Variants in DENND5B observed in about 807,000 individuals in gnomAD.
DENND5B encodes DENN domain containing 5B, also known as DENN domain-containing protein 5B.
In DENND5B, 34 loss-of-function variants were observed where a neutral mutation model predicts 140.6. The observed-to-expected ratio is 0.24, with a 90% confidence interval of 0.18 to 0.32. DENND5B has a LOEUF of 0.32. DENND5B is among the 10% of genes least tolerant of loss of function. The probability of loss-of-function intolerance (pLI) is 1.00; values close to 1 mark genes in which losing one functional copy is unlikely to be tolerated. For synonymous variants in DENND5B, 551 were observed against 562.1 expected, an observed-to-expected ratio of 0.98 and a Z score of 0.28; for missense variants, 1,142 against 1,560.2, an observed-to-expected ratio of 0.73 and a Z score of 4.52.
intron 3 of DENND5B, chr12:31,465,743 T>TTCACAGAAA (rs1945236302): frequency 6.6e-6 from 1 of 152,182 alleles, no homozygotes; most frequent in Admixed American, 6.5e-5. Flanking sequence ...TCTCCCTAGT[T>TTCACAGAAA]TCACAGAAAT....
At position 31,387,643 on chromosome 12, in the gene DENND5B, A is replaced by G; in HGVS notation, c.3785T>C (p.Ile1262Thr). 6.2e-7 allele frequency: 1 copy of G among 1,614,036 alleles called. No homozygotes were observed. The highest frequency in any genetic ancestry group is 8.5e-7 in the Non-Finnish European group (1 of 1,179,894). Residue 1262 changes from isoleucine to threonine, a missense_variant, in exon 21 of 21, where the codon ATA (isoleucine) becomes ACA (threonine). This residue lies in a region of DENND5B where 125 missense variants were observed against 179.0 expected (regional missense o/e 0.70). Coordinates refer to ENST00000389082, the MANE Select transcript of DENND5B (RefSeq NM_144973.4). ...RILQTIQDFT[I>T]VLEGSLIKGV... Reference sequence around the variant, plus strand: ...TTTGATGAGTGATCCTTCTAGGACTATGGTGAAGTCCTGAATGGTCTGCAG... The same window carrying G: ...TTTGATGAGTGATCCTTCTAGGACTGTGGTGAAGTCCTGAATGGTCTGCAG...
chr12:31,571,673 C>A (rs1949827593), intron 1 of DENND5B, among the ~76,000 whole-genome samples: 1 of 151,936 alleles, frequency 6.6e-6, no homozygotes, highest in Non-Finnish European at 1.5e-5. Context: ...GCTGGAGTGC[C>A]ATGGCACGTT....
At chr12:31,415,703 C>T (rs1274447820) in intron 11 of DENND5B, among the ~76,000 whole-genome samples, 1 of 152,152 alleles carries the variant, frequency 6.6e-6, no homozygotes, top group African/African-American at 2.4e-5. Context: ...CCCAACTTAG[C>T]CCTGTCCAGA....
intron 8 of DENND5B, among the ~76,000 whole-genome samples, chr12:31,430,950 G>A (rs1175860665): frequency 6.6e-6 from 1 of 152,170 alleles, no homozygotes; most frequent in Non-Finnish European, 1.5e-5. Context: ...GGCTGCCTCT[G>A]CAAATTGCAA....
chr12:31,389,357 C>A lies in DENND5B; in HGVS notation c.3608G>T (p.Gly1203Val), dbSNP rs1261537159. 4 of 1,612,436 alleles carry A rather than the reference C, an allele frequency of 2.5e-6. No individual in the cohort carries two copies. The highest frequency in any genetic ancestry group is 3.4e-6 in the Non-Finnish European group (4 of 1,179,304). Residue 1203 changes from glycine (G) to valine (V), a missense_variant, in exon 20 of 21, where the codon GGC becomes GTC. By Grantham distance (109) the Gly-to-Val change is moderately radical. Transcript: ENST00000389082. ...NTAPRNIGKD[G>V]KFQILVCLGT... ...AAGGCAAACTAAAATCTGGAATTTG[C>A]CATCCTTCCCAATGTTCCTGGGTGC...
Position 31,562,284 on chromosome 12 carries a change from T to C in DENND5B, c.127+28422A>G, listed in dbSNP as rs576170063. ...GGTAAAGAGTACACACATTTCATAC[T>C]ACAGAATTGCTTTCTAAAGGATAAA... On this transcript the variant is annotated intron_variant, in intron 1 of 20. Transcript: ENST00000389082. Among the ~76,000 whole-genome samples, 24 of 152,248 alleles carry C rather than the reference T, an allele frequency of 1.6e-4. 1 individual carries two copies. In the South Asian group the frequency reaches 4.8e-3, roughly 30 times the overall value.
At position 31,452,253 on chromosome 12, in the gene DENND5B, G is replaced by C. The variant is rs754961808; in HGVS notation, c.1316C>G (p.Thr439Ser). The change falls in exon 5 of 21, where the codon ACT becomes AGT. Residue 439 changes from threonine (T) to serine (S), a missense_variant. Coordinates refer to ENST00000389082, the MANE Select transcript of DENND5B (RefSeq NM_144973.4). ...VNDKKNGNVC[T>S]NNISMYELLK... is the part of the protein sequence containing the mutation. ...TAACTCATACATGCTGATGTTATTA[G>C]TACAGACATTGCCGTTCTTTTTGTC... The C allele has an allele frequency of 1.9e-6, 3 of 1,613,948 alleles. No individual in the cohort carries two copies. The South Asian group carries it at 3.3e-5, about 18-fold the overall frequency.
intron 1 of DENND5B, among the ~76,000 whole-genome samples, chr12:31,573,818 G>A (rs1262819870): frequency 2.0e-5 from 3 of 152,298 alleles, no homozygotes; most frequent in East Asian, 1.9e-4. Context: ...GCCAGGCACC[G>A]TGGTGCACGC....
intron 1 of DENND5B, among the ~76,000 whole-genome samples, chr12:31,540,016 A>C (rs1041731074): frequency 2.0e-5 from 3 of 152,212 alleles, no homozygotes; most frequent in African/African-American, 7.2e-5. Context: ...AACTCATACA[A>C]AATCAGTAAA....
At chr12:31,493,845 AC>A (rs1329826108) in intron 2 of DENND5B, among the ~76,000 whole-genome samples, 2 of 152,068 alleles carry the variant, frequency 1.3e-5, no homozygotes, top group South Asian at 2.1e-4. Flanking sequence ...AAAAACAAAA[AC>A]CAAACAAAAC....
intron 2 of DENND5B, among the ~76,000 whole-genome samples, chr12:31,495,312 T>G (rs529148664): frequency 7.2e-5 from 11 of 152,204 alleles, no homozygotes; most frequent in African/African-American, 2.6e-4. Context: ...ATGGAAACCC[T>G]GGGCAAGTAA....
intron 3 of DENND5B, among the ~76,000 whole-genome samples, chr12:31,476,424 C>T (rs543972297): frequency 1.3e-5 from 2 of 150,304 alleles, no homozygotes; most frequent in Admixed American, 1.3e-4. Flanking sequence ...TCAATTATAC[C>T]CTAAGTATTT....
intron 1 of DENND5B, among the ~76,000 whole-genome samples, chr12:31,539,492 A>C (rs1592007272): frequency 6.6e-6 from 1 of 152,212 alleles, no homozygotes; most frequent in East Asian, 1.9e-4. Flanking sequence ...AATACTAGCA[A>C]ACCAAATTCA....
At chr12:31,418,405 G>A (rs1316535345) in intron 11 of DENND5B, among the ~76,000 whole-genome samples, 3 of 148,800 alleles carry the variant, frequency 2.0e-5, no homozygotes, top group Non-Finnish European at 4.4e-5. Flanking sequence ...TCAGCTTCTT[G>A]ATAGCTGGGA....
chr12:31,436,108 CCACT>C (rs1206555678), intron 7 of DENND5B, among the ~76,000 whole-genome samples: 1 of 151,034 alleles, frequency 6.6e-6, no homozygotes, highest in Non-Finnish European at 1.5e-5. Flanking sequence ...TAAAGCCCCC[CCACT>C]TTTTTTTTTT....
chr12:31,488,106 C>A (rs549600256), intron 2 of DENND5B, among the ~76,000 whole-genome samples: 14 of 150,624 alleles, frequency 9.3e-5, no homozygotes, highest in African/African-American at 3.4e-4. Flanking sequence ...CAAGTGTGTG[C>A]GATTATAGGC....
intron 7 of DENND5B, among the ~76,000 whole-genome samples, chr12:31,437,274 C>T (rs1010232602): frequency 2.0e-5 from 3 of 152,038 alleles, no homozygotes; most frequent in Admixed American, 1.3e-4. Context: ...TCCCGAGTAG[C>T]TGGGACTACA....
At position 31,452,250 on chromosome 12, in the gene DENND5B, T is replaced by C. The variant is rs766278817; in HGVS notation, c.1319A>G (p.Asn440Ser). 1 of 1,613,984 alleles carries C rather than the reference T, an allele frequency of 6.2e-7. No homozygotes were observed. Among genetic ancestry groups the C allele is most frequent in the Non-Finnish European group, 8.5e-7 (1 of 1,179,890 alleles). Residue 440 changes from asparagine to serine, a missense_variant, in exon 5 of 21, where the codon AAT becomes AGT. Transcript: ENST00000389082. ...CAGTAACTCATACATGCTGATGTTA[T>C]TAGTACAGACATTGCCGTTCTTTTT... ...NDKKNGNVCTNNISMYELLKG... is the reference protein window; with the variant it reads ...NDKKNGNVCTSNISMYELLKG...
At chr12:31,404,789 T>TA (rs1306130185) in intron 14 of DENND5B, among the ~76,000 whole-genome samples, 1 of 58,466 alleles carries the variant, frequency 1.7e-5, no homozygotes, top group Non-Finnish European at 3.3e-5. Flanking sequence ...GACAGAGTTT[T>TA]GCTCTTGTGG....
Sources: allele counts gnomAD v4.1 joint callset (sites outside exome capture counted in the v4.1 genomes callset), GRCh38; gene constraint gnomAD v4.1.1; regional missense constraint gnomAD v4.1.1; transcripts MANE v1.5; gene names NCBI Gene and HGNC (gene_info 2026-07-23, HGNC 2026-07-21).